The following SLIT3 variants were observed in gnomAD, a reference collection of about 807,000 sequenced individuals.
SLIT3 encodes the protein slit guidance ligand 3, also known as slit homolog 3 protein.
SLIT3 carries 68 observed loss-of-function variants against 184.0 expected under a neutral mutation model. The observed-to-expected ratio is 0.37, with a 90% confidence interval of 0.30 to 0.45. SLIT3 has a LOEUF of 0.45. Ranked by LOEUF, SLIT3 falls within the 20% of genes least tolerant of loss-of-function variation. The pLI, the probability that SLIT3 is intolerant of heterozygous loss-of-function variation, is 1.00. For missense variants in SLIT3, 1,707 were observed against 2,026.0 expected (o/e 0.84, Z 3.02); for synonymous variants, 831 against 828.6 (o/e 1.00, Z -0.05).
rs141204031 is a variant in SLIT3 at position 168,704,909 on chromosome 5, G to A, written c.2844+3067C>T. Among the ~76,000 whole-genome samples, 5 of 152,272 alleles carry A rather than the reference G, an allele frequency of 3.3e-5. No homozygotes were observed. The East Asian group carries it at 9.7e-4, about 29-fold the overall frequency. ...TCTGTTTGGGCGGGCTCTAACCCCGGCAAGAAGGAAAGCAGGGACATAGCA... is the reference window on the plus strand; with the variant it reads ...TCTGTTTGGGCGGGCTCTAACCCCGACAAGAAGGAAAGCAGGGACATAGCA... On this transcript the variant is annotated intron_variant, in intron 26 of 35. Transcript: ENST00000519560.
intron 5 of SLIT3, among the ~76,000 whole-genome samples, chr5:168,876,544 C>T (rs1759738345): frequency 1.3e-5 from 2 of 152,204 alleles, no homozygotes; most frequent in African/African-American, 4.8e-5. Context: ...TGTCCCTTTA[C>T]ATATGTTGGT....
chr5:169,273,093 C>T (rs573017281), intron 1 of SLIT3, among the ~76,000 whole-genome samples: 28 of 152,122 alleles, frequency 1.8e-4, no homozygotes, highest in Admixed American at 3.9e-4. Context: ...GGGAAGGCGG[C>T]CCCTTCTGAA....
Position 169,125,256 on chromosome 5 carries a change from C to T in SLIT3, c.413+68223G>A, listed in dbSNP as rs192705545. ...AGAGATGGGGTTTCACCATGTTGAC[C>T]AGGATGGTCTCGATCTTCTGACGTG... On this transcript the variant is annotated intron_variant, in intron 4 of 35. Coordinates refer to ENST00000519560, the MANE Select transcript of SLIT3 (RefSeq NM_003062.4). 4.3e-3 allele frequency among the ~76,000 whole-genome samples: 660 copies of T among 152,248 alleles called. 3 individuals are homozygous for T. The highest frequency in any genetic ancestry group is 0.015 in the African/African-American group (614 of 41,534).
chr5:168,777,076 CA>C (rs1755779669), intron 12 of SLIT3, among the ~76,000 whole-genome samples: 1 of 25,572 alleles, frequency 3.9e-5, no homozygotes, highest in Non-Finnish European at 6.9e-5. Flanking sequence ...CACACACACA[CA>C]CACACACACA....
rs973494970 is a variant in SLIT3 at position 168,664,049 on chromosome 5, T to C, written c.*2405A>G. The C allele has an allele frequency of 6.6e-6, 1 of 152,226 alleles. No homozygotes were observed. The highest frequency in any genetic ancestry group is 6.5e-5 in the Admixed American group (1 of 15,280). 9.4% of individuals were successfully genotyped at this position (152,226 alleles called of 1,614,324 possible). A position where few individuals can be genotyped will look rare whatever the true frequency, so the allele number is the denominator to read the frequency against. ...TCTACGGTTTATTAGACATTTACTC[T>C]TGGGCAAGTTCTTTAACTTCTCTGT... is the stretch of plus-strand genomic sequence containing the variant. On this transcript the variant is annotated 3_prime_UTR_variant, in exon 36 of 36. Coordinates refer to ENST00000519560, the MANE Select transcript of SLIT3 (RefSeq NM_003062.4).
At chr5:168,707,780 T>G in intron 26 of SLIT3, 196 bp downstream of exon 26, 1 of 585,606 alleles carries the variant, frequency 1.7e-6, no homozygotes, top group Non-Finnish European at 3.0e-6. Flanking sequence ...GGGGCCTCTC[T>G]GACTGGCAGC....
intron 5 of SLIT3, among the ~76,000 whole-genome samples, chr5:168,860,833 C>A (rs1759076652): frequency 6.6e-6 from 1 of 152,176 alleles, no homozygotes; most frequent in South Asian, 2.1e-4. Context: ...TCCTATGAAA[C>A]CCCAATAAGG....
chr5:169,131,191 A>G (rs895209122), intron 4 of SLIT3, among the ~76,000 whole-genome samples: 1 of 152,218 alleles, frequency 6.6e-6, no homozygotes, highest in Non-Finnish European at 1.5e-5. Flanking sequence ...CGAACACACA[A>G]CAATGCACAA....
intron 3 of SLIT3, among the ~76,000 whole-genome samples, chr5:169,196,234 C>A (rs1023563571): frequency 9.9e-5 from 15 of 152,028 alleles, no homozygotes; most frequent in African/African-American, 3.6e-4. Flanking sequence ...GAGTAGTTCC[C>A]ATGTACTCAG....
At chr5:169,186,430 T>A (rs1018924232) in intron 4 of SLIT3, among the ~76,000 whole-genome samples, 1 of 152,170 alleles carries the variant, frequency 6.6e-6, no homozygotes, top group Non-Finnish European at 1.5e-5. Context: ...GAAAATATAT[T>A]TCTGTAGTTT....
intron 4 of SLIT3, among the ~76,000 whole-genome samples, chr5:168,989,913 C>G (rs1561592693): frequency 6.6e-6 from 1 of 152,160 alleles, no homozygotes; most frequent in Non-Finnish European, 1.5e-5. Flanking sequence ...TCTAACAGTT[C>G]TGTGAATAAA....
intron 4 of SLIT3, among the ~76,000 whole-genome samples, chr5:168,964,871 C>A (rs886699502): frequency 2.6e-5 from 4 of 152,176 alleles, no homozygotes; most frequent in Admixed American, 6.5e-5. Flanking sequence ...CCCACTAGGG[C>A]CCTTAATACA....
At chr5:168,953,074 G>C (rs1185811375) in intron 4 of SLIT3, among the ~76,000 whole-genome samples, 1 of 152,186 alleles carries the variant, frequency 6.6e-6, no homozygotes, top group Non-Finnish European at 1.5e-5. Context: ...ATCAAGGGTG[G>C]AGGATTCCGG....
intron 6 of SLIT3, among the ~76,000 whole-genome samples, chr5:168,843,896 G>A (rs1006051291): frequency 6.6e-6 from 1 of 152,160 alleles, no homozygotes; most frequent in African/African-American, 2.4e-5. Context: ...CAGAAAGGCA[G>A]CTACACATTC....
chr5:169,073,281 G>A (rs1041991909), intron 4 of SLIT3, among the ~76,000 whole-genome samples: 4 of 152,128 alleles, frequency 2.6e-5, no homozygotes, highest in East Asian at 1.9e-4. Context: ...CCTTAGCCCC[G>A]CAGGATGAAC....
intron 4 of SLIT3, among the ~76,000 whole-genome samples, chr5:169,125,240 G>C (rs1489826544): frequency 6.6e-6 from 1 of 152,114 alleles, no homozygotes; most frequent in Non-Finnish European, 1.5e-5. Flanking sequence ...TAGAGATGGG[G>C]TTTCACCATG....
intron 20 of SLIT3, among the ~76,000 whole-genome samples, chr5:168,726,427 A>AG (rs1763119493): frequency 2.5e-5 from 1 of 39,998 alleles, no homozygotes; most frequent in Non-Finnish European, 5.1e-5. Flanking sequence ...GGAGGCAGGG[A>AG]GGAAGAGGGA....
chr5:169,079,641 G>A (rs1239001021), intron 4 of SLIT3, among the ~76,000 whole-genome samples: 1 of 92,694 alleles, frequency 1.1e-5, no homozygotes, highest in African/African-American at 4.2e-5. Context: ...GGAGGGAAGA[G>A]GAGGAGGAGG....
intron 20 of SLIT3, among the ~76,000 whole-genome samples, chr5:168,725,041 C>G (rs545456472): frequency 6.6e-6 from 1 of 152,328 alleles, no homozygotes; most frequent in African/African-American, 2.4e-5. Flanking sequence ...TCAATGTTGA[C>G]TATCTCTGAT....
Sources: gnomAD v4.1 joint callset for allele counts (sites outside exome capture counted in the v4.1 genomes callset) on GRCh38, gnomAD v4.1.1 for gene constraint, MANE v1.5 for transcripts, NCBI Gene and HGNC (gene_info 2026-07-23, HGNC 2026-07-21) for gene names.